Variants in CYREN observed in about 807,000 individuals in gnomAD.
CYREN encodes cell cycle regulator of non-homologous end joining.
In CYREN, 7 loss-of-function variants were observed where a neutral mutation model predicts 9.7. That is an observed-to-expected ratio of 0.72 (90% confidence interval 0.41 to 1.36). The LOEUF is 1.36. CYREN is among the 40% of genes most tolerant of loss of function. The pLI, the probability that CYREN is intolerant of heterozygous loss-of-function variation, is 0.01. For missense variants in CYREN, 215 were observed against 198.1 expected (o/e 1.09, Z -0.51); for synonymous variants, 76 against 77.9 (o/e 0.98, Z 0.13).
intron 2 of CYREN, chr7:135,115,537 TA>T: frequency 6.4e-7 from 1 of 1,551,466 alleles, no homozygotes. Flanking sequence ...CCATCGTGCA[TA>T]GCACTAAAAA....
At chr7:135,170,806 CCCGGCGCCCGGGACACTT>C (rs1422187901), upstream of CYREN, 2 of 152,150 alleles carry the variant, frequency 1.3e-5, no homozygotes, top group Non-Finnish European at 2.9e-5. Context: ...CCCTCGCAGT[CCCGGCGCCCGGGACACTT>C]CCGGCTCCCG....
chr7:135,130,820 T>G (rs1282125521), intron 2 of CYREN, among the ~76,000 whole-genome samples: 1 of 152,194 alleles, frequency 6.6e-6, no homozygotes, highest in Non-Finnish European at 1.5e-5. Flanking sequence ...AGCAGTGTTT[T>G]GGGTGATAAT....
intron 2 of CYREN, among the ~76,000 whole-genome samples, chr7:135,146,910 C>G (rs1338090566): frequency 6.6e-6 from 1 of 152,164 alleles, no homozygotes; most frequent in Non-Finnish European, 1.5e-5. Context: ...GAATAAATTT[C>G]ATAAATATAA....
intron 2 of CYREN, chr7:135,128,992 A>G: frequency 1.3e-6 from 2 of 1,594,600 alleles, no homozygotes; most frequent in Middle Eastern, 1.7e-4. Context: ...AGGCATGTGT[A>G]CTGCAAAGAC....
At chr7:135,155,335 A>G (rs1217608000) in intron 2 of CYREN, among the ~76,000 whole-genome samples, 1 of 152,170 alleles carries the variant, frequency 6.6e-6, no homozygotes, top group Non-Finnish European at 1.5e-5. Flanking sequence ...TTCAAGGTTA[A>G]TATGGATCTG....
chr7:135,166,896 C>G, intron 3 of CYREN, 25 bp from the exon 4 acceptor site: 1 of 1,606,424 alleles, frequency 6.2e-7, no homozygotes, highest in Non-Finnish European at 8.5e-7. Context: ...AAAACGCAGG[C>G]TCAACATACG....
At chr7:135,169,124 C>A (rs762307512) in intron 1 of CYREN, 64 bp from the exon 2 acceptor site, 1 of 543,872 alleles carries the variant, frequency 1.8e-6, no homozygotes, top group Non-Finnish European at 3.2e-6. Flanking sequence ...AGTTACTGGT[C>A]GGTGCAGGGC....
chr7:135,171,366 C>A (rs905278712), upstream of CYREN, among the ~76,000 whole-genome samples: 28 of 151,452 alleles, frequency 1.8e-4, no homozygotes, highest in Non-Finnish European at 3.5e-4. Flanking sequence ...GGCAGCCCAG[C>A]GCCAGGCCCA....
chr7:135,129,525 A>G, intron 2 of CYREN: 1 of 773,014 alleles, frequency 1.3e-6, no homozygotes, highest in East Asian at 2.4e-5. Flanking sequence ...ATATAACAAG[A>G]TGACATGTAC....
At chr7:135,124,730 C>G (rs1049757181) in intron 2 of CYREN, among the ~76,000 whole-genome samples, 1 of 152,140 alleles carries the variant, frequency 6.6e-6, no homozygotes, top group African/African-American at 2.4e-5. Context: ...AATTACAACT[C>G]AGGATTAAAA....
chr7:135,145,030 C>G (rs968911867), intron 2 of CYREN, among the ~76,000 whole-genome samples: 4 of 141,182 alleles, frequency 2.8e-5, no homozygotes, highest in African/African-American at 1.0e-4. Flanking sequence ...GATACACATT[C>G]AATTTTGCTC....
chr7:135,118,224 A>C (rs910355578), intron 2 of CYREN, among the ~76,000 whole-genome samples: 5 of 152,284 alleles, frequency 3.3e-5, no homozygotes, highest in Middle Eastern at 3.4e-3. Flanking sequence ...GGTCTTAGTT[A>C]ATACCTCACT....
exon 3 of CYREN, chr7:135,093,465 A>G (rs959905824): frequency 1.6e-4 from 25 of 152,204 alleles, no homozygotes; most frequent in Non-Finnish European, 3.5e-4. Context: ...TACACTAGCA[A>G]TGAACATTTA....
At chr7:135,101,269 C>A (rs1585118461) in intron 2 of CYREN, 2 of 455,914 alleles carry the variant, frequency 4.4e-6, no homozygotes, top group Middle Eastern at 6.5e-4. Flanking sequence ...ACAAGGATAC[C>A]AACAGAAGGT....
chr7:135,136,301 T>G (rs1269524614), intron 2 of CYREN, among the ~76,000 whole-genome samples: 1 of 152,078 alleles, frequency 6.6e-6, no homozygotes, highest in Non-Finnish European at 1.5e-5. Context: ...CAACAGTATT[T>G]CTAGTAGCTA....
chr7:135,150,934 G>T (rs199920506), intron 2 of CYREN, among the ~76,000 whole-genome samples: 1 of 152,150 alleles, frequency 6.6e-6, no homozygotes, highest in East Asian at 1.9e-4. Context: ...TAAACTTTTT[G>T]TAATCTTTGT....
intron 2 of CYREN, among the ~76,000 whole-genome samples, chr7:135,109,827 T>C (rs1173701091): frequency 6.6e-6 from 1 of 152,178 alleles, no homozygotes; most frequent in Non-Finnish European, 1.5e-5. Flanking sequence ...GTCTAGAGCC[T>C]GAAGGCAAAC....
Position 135,166,633 on chromosome 7 carries a change from A to C in CYREN, c.452T>G (p.Val151Gly). 1 of 1,600,686 alleles carries C rather than the reference A, an allele frequency of 6.2e-7. No homozygotes were observed. The highest frequency in any genetic ancestry group is 8.5e-7 in the Non-Finnish European group (1 of 1,178,198). Residue 151 changes from valine to glycine, a missense_variant, in exon 4 of 4, where the codon GTC becomes GGC. Transcript: ENST00000393114. ...GCCCTAGCTGAAAAAGATCTCCCGG[A>C]CGTATTTCAGCACATCCTCTTCCTC... The part of the protein sequence containing the change: ...EEEEEDVLKY[V>G]REIFFS
At chr7:135,118,886 G>T (rs1826711550) in intron 2 of CYREN, among the ~76,000 whole-genome samples, 1 of 152,048 alleles carries the variant, frequency 6.6e-6, no homozygotes, top group Non-Finnish European at 1.5e-5. Context: ...AAGCTTAATG[G>T]CTGAGCAGAA....
Sources: gnomAD v4.1 joint callset for allele counts (sites outside exome capture counted in the v4.1 genomes callset) on GRCh38, gnomAD v4.1.1 for gene constraint, MANE v1.5 for transcripts, NCBI Gene and HGNC (gene_info 2026-07-23, HGNC 2026-07-21) for gene names.